The following DPY19L3 variants were observed in gnomAD, a reference collection of about 807,000 sequenced individuals.
The protein encoded by DPY19L3 is dpy-19 like C-mannosyltransferase 3.
A neutral mutation model predicts 92.3 loss-of-function variants in DPY19L3; 51 were observed. That is an observed-to-expected ratio of 0.55 (90% confidence interval 0.44 to 0.70). The LOEUF (loss-of-function observed/expected upper bound fraction) is 0.70. DPY19L3 is among the 30% of genes least tolerant of loss of function. The probability of loss-of-function intolerance (pLI) is 0.00; values close to 1 mark genes in which losing one functional copy is unlikely to be tolerated. For missense variants in DPY19L3, 706 were observed against 855.9 expected (o/e 0.82, Z 2.18); for synonymous variants, 309 against 315.2 (o/e 0.98, Z 0.21).
In DPY19L3 at chr19:32,485,594, A is replaced by G. The variant is rs1373414860; in HGVS notation, c.*3354A>G. On this transcript the variant is annotated 3_prime_UTR_variant, in exon 19 of 19. Coordinates refer to ENST00000392250, the MANE Select transcript of DPY19L3 (RefSeq NM_001172774.2). ...CTTTGGCCAAAACCTACCTGAATTA[A>G]CATACAAAATATTTGATTTTTAAAA... 1 of 152,230 alleles carries G rather than the reference A, an allele frequency of 6.6e-6. No homozygotes were observed. Among genetic ancestry groups the G allele is most frequent in the Non-Finnish European group, 1.5e-5 (1 of 68,030 alleles). 9.4% of individuals were successfully genotyped at this position (152,230 alleles called of 1,614,324 possible).
intron 16 of DPY19L3, among the ~76,000 whole-genome samples, chr19:32,470,673 C>T (rs1314849553): frequency 6.6e-6 from 1 of 151,494 alleles, no homozygotes; most frequent in Non-Finnish European, 1.5e-5. Context: ...GAAGAGAATA[C>T]AAGTGTCCTA....
chr19:32,454,169 T>C (rs1456584747), intron 9 of DPY19L3, among the ~76,000 whole-genome samples: 1 of 152,196 alleles, frequency 6.6e-6, no homozygotes, highest in Admixed American at 6.5e-5. Context: ...ATTATCAAGA[T>C]TATAAGAAAA....
intron 16 of DPY19L3, among the ~76,000 whole-genome samples, chr19:32,471,151 A>T (rs1230557730): frequency 6.6e-6 from 1 of 152,202 alleles, no homozygotes; most frequent in East Asian, 1.9e-4. Flanking sequence ...TGCTTTGATT[A>T]GTCACACGGT....
chr19:32,447,366 AAAT>A (rs1969533148), intron 8 of DPY19L3, among the ~76,000 whole-genome samples: 1 of 152,208 alleles, frequency 6.6e-6, no homozygotes, highest in Non-Finnish European at 1.5e-5. Flanking sequence ...CAGGAGAAGA[AAAT>A]AATAAAGAGC....
chr19:32,463,787 A>G (rs986357568), intron 13 of DPY19L3, 82 bp from the exon 14 acceptor site: 18 of 1,241,132 alleles, frequency 1.5e-5, no homozygotes, highest in African/African-American at 8.9e-5. Context: ...CATAGACTGT[A>G]AAGCTGCCTT....
intron 17 of DPY19L3, among the ~76,000 whole-genome samples, chr19:32,479,018 C>T (rs1333087448): frequency 6.6e-6 from 1 of 151,990 alleles, no homozygotes; most frequent in African/African-American, 2.4e-5. Flanking sequence ...CAGGAAGGTG[C>T]CTGTGTTCCT....
At chr19:32,464,044 T>G in intron 14 of DPY19L3, 64 bp downstream of exon 14, 1 of 1,129,000 alleles carries the variant, frequency 8.9e-7, no homozygotes, top group Non-Finnish European at 1.3e-6. Context: ...TACCACTTCT[T>G]TTTTTGTTTT....
chr19:32,484,918 A>G lies in DPY19L3; in HGVS notation c.*2678A>G, dbSNP rs931770782. 1.3e-5 allele frequency: 2 copies of G among 152,236 alleles called. No homozygotes were observed. The highest frequency in any genetic ancestry group is 2.9e-5 in the Non-Finnish European group (2 of 68,042). 9.4% of individuals were successfully genotyped at this position (152,236 alleles called of 1,614,324 possible). On this transcript the variant is annotated 3_prime_UTR_variant, in exon 19 of 19. Coordinates refer to ENST00000392250, the MANE Select transcript of DPY19L3 (RefSeq NM_001172774.2). ...TAGGTGTGGCTGGGAATATTATAAG[A>G]TATTGGGGAAAATATACAAATCAAG...
intron 15 of DPY19L3, among the ~76,000 whole-genome samples, chr19:32,465,923 G>A (rs771582950): frequency 6.6e-6 from 1 of 152,094 alleles, no homozygotes; most frequent in Non-Finnish European, 1.5e-5. Context: ...GAACAGTTAA[G>A]GATTAAACAG....
At chr19:32,464,675 A>G (rs1850819449) in intron 14 of DPY19L3, 53 bp from the exon 15 acceptor site, 2 of 1,216,288 alleles carry the variant, frequency 1.6e-6, no homozygotes, top group Non-Finnish European at 2.3e-6. Flanking sequence ...CTGTCTCTCA[A>G]AAAAGAAAAG....
intron 18 of DPY19L3, chr19:32,480,991 T>TCCTGC: frequency 2.5e-6 from 1 of 394,040 alleles, no homozygotes; most frequent in Non-Finnish European, 4.5e-6. Context: ...CCCCTACCCC[T>TCCTGC]CCTGCCCTCT....
chr19:32,444,204 G>A (rs570889385), intron 8 of DPY19L3, among the ~76,000 whole-genome samples: 93 of 151,934 alleles, frequency 6.1e-4, no homozygotes, highest in African/African-American at 2.2e-3. Flanking sequence ...GAGCAATTAC[G>A]AACACACTTG....
At chr19:32,423,031 T>C (rs997995901) in intron 3 of DPY19L3, among the ~76,000 whole-genome samples, 4 of 152,276 alleles carry the variant, frequency 2.6e-5, no homozygotes, top group Admixed American at 1.3e-4. Context: ...CCTAGAAATA[T>C]GTACTTTTAA....
In DPY19L3 at chr19:32,424,529, G is replaced by T. The variant is rs1475526957; in HGVS notation, c.238-8187G>T. ...AGCTTACACCCAGCTGCTTGAGAGGGTGCAATGGGATGATCACCTGAGCTC... is the reference window on the plus strand; with the variant it reads ...AGCTTACACCCAGCTGCTTGAGAGGTTGCAATGGGATGATCACCTGAGCTC... On this transcript the variant is annotated intron_variant, in intron 3 of 18. Transcript: ENST00000392250. Among the ~76,000 whole-genome samples, 3 of 151,884 alleles carry T rather than the reference G, an allele frequency of 2.0e-5. No homozygotes were observed. The East Asian group carries it at 5.9e-4, about 30-fold the overall frequency.
At chr19:32,462,679 G>T (rs1970077232) in intron 12 of DPY19L3, among the ~76,000 whole-genome samples, 1 of 152,164 alleles carries the variant, frequency 6.6e-6, no homozygotes, top group Non-Finnish European at 1.5e-5. Flanking sequence ...TTAAAAAAAG[G>T]AGATACTTTT....
chr19:32,433,699 A>G (rs1241445827), intron 4 of DPY19L3, among the ~76,000 whole-genome samples: 2 of 152,246 alleles, frequency 1.3e-5, no homozygotes, highest in African/African-American at 4.8e-5. Flanking sequence ...TTGGAATTAT[A>G]GGCATGAGCC....
chr19:32,408,234 A>G lies in DPY19L3; in HGVS notation c.-20A>G. 3 of 1,576,950 alleles carry G rather than the reference A, an allele frequency of 1.9e-6. No individual in the cohort carries two copies. Among genetic ancestry groups the G allele is most frequent in the Non-Finnish European group, 2.6e-6 (3 of 1,149,448 alleles). On this transcript the variant is annotated 5_prime_UTR_variant, in exon 2 of 19. It removes an upstream start codon present in the reference 5' UTR. Transcript: ENST00000392250. Reference sequence around the variant, plus strand: ...CTATCTAGGAGTGATTTGGAGAACAATGCATGTAAGTCTGACATCATGATG... The same window carrying G: ...CTATCTAGGAGTGATTTGGAGAACAGTGCATGTAAGTCTGACATCATGATG...
At chr19:32,452,593 C>G (rs1183614) in intron 8 of DPY19L3, among the ~76,000 whole-genome samples, 2 of 152,234 alleles carry the variant, frequency 1.3e-5, no homozygotes, top group Non-Finnish European at 2.9e-5. Flanking sequence ...ACTTCCTCTA[C>G]TTCATATCAT....
chr19:32,455,927 C>T (rs757348233), intron 10 of DPY19L3, among the ~76,000 whole-genome samples: 4 of 151,926 alleles, frequency 2.6e-5, no homozygotes, highest in African/African-American at 4.8e-5. Context: ...TCTTCAGATA[C>T]TTTTGCCTGT....
Sources: gnomAD v4.1 joint callset for allele counts (sites outside exome capture counted in the v4.1 genomes callset) on GRCh38, gnomAD v4.1.1 for gene constraint, MANE v1.5 for transcripts, NCBI Gene and HGNC (gene_info 2026-07-23, HGNC 2026-07-21) for gene names.